NRXN1: variants seen among roughly 807,000 people sequenced by gnomAD.
The protein encoded by NRXN1 is neurexin-1.
NRXN1 carries 39 observed loss-of-function variants against 150.9 expected under a neutral mutation model. That is an observed-to-expected ratio of 0.26 (90% CI 0.20 to 0.34). The LOEUF is 0.34. Among genes scored for constraint, NRXN1 ranks in the 10% least tolerant of loss-of-function variants. The probability of loss-of-function intolerance (pLI) is 1.00; values close to 1 mark genes in which losing one functional copy is unlikely to be tolerated. For synonymous variants in NRXN1, 924 were observed against 757.0 expected, an observed-to-expected ratio of 1.22 and a Z score of -3.62; for missense variants, 1,815 against 1,949.9, an observed-to-expected ratio of 0.93 and a Z score of 1.30.
chr2:50,486,123 G>A (rs984189443), intron 15 of NRXN1, among the ~76,000 whole-genome samples: 4 of 152,206 alleles, frequency 2.6e-5, no homozygotes, highest in South Asian at 4.2e-4. Context: ...TAAAGTGATC[G>A]GTTGCGGTAA....
chr2:50,705,243 C>T (rs866539973), intron 5 of NRXN1, among the ~76,000 whole-genome samples: 14 of 151,976 alleles, frequency 9.2e-5, no homozygotes, highest in Non-Finnish European at 1.3e-4. Context: ...AATCATAATA[C>T]GAATGGGCTT....
chr2:50,664,906 T>C (rs902606636), intron 5 of NRXN1, among the ~76,000 whole-genome samples: 1 of 152,014 alleles, frequency 6.6e-6, no homozygotes, highest in East Asian at 1.9e-4. Context: ...CATAGAGATA[T>C]TTATCCTTCA....
intron 16 of NRXN1, among the ~76,000 whole-genome samples, chr2:50,466,943 A>G (rs1007602708): frequency 6.6e-6 from 1 of 151,732 alleles, no homozygotes; most frequent in African/African-American, 2.4e-5. Context: ...TTCTGTTGCA[A>G]TTAAGGCTTC....
intron 17 of NRXN1, among the ~76,000 whole-genome samples, chr2:50,244,145 T>A (rs569408621): frequency 6.6e-6 from 1 of 152,076 alleles, no homozygotes; most frequent in Non-Finnish European, 1.5e-5. Flanking sequence ...AAATACATTT[T>A]ATCACATTTT....
intron 17 of NRXN1, among the ~76,000 whole-genome samples, chr2:50,323,823 C>T (rs917445043): frequency 1.3e-5 from 2 of 152,018 alleles, no homozygotes; most frequent in Non-Finnish European, 2.9e-5. Context: ...ACATAGGAAA[C>T]GACAAGTTGA....
intron 19 of NRXN1, among the ~76,000 whole-genome samples, chr2:50,063,315 T>C (rs1694843673): frequency 6.6e-6 from 1 of 152,202 alleles, no homozygotes; most frequent in African/African-American, 2.4e-5. Flanking sequence ...TTGTCTTATA[T>C]ATTACTTTAT....
intron 17 of NRXN1, among the ~76,000 whole-genome samples, chr2:50,373,862 T>C (rs1035297707): frequency 2.6e-4 from 39 of 152,098 alleles, no homozygotes; most frequent in Non-Finnish European, 1.5e-5. Flanking sequence ...TGATTATTAT[T>C]TGCTTTTGAG....
At chr2:50,903,822 C>T (rs1683285668) in intron 5 of NRXN1, among the ~76,000 whole-genome samples, 1 of 152,152 alleles carries the variant, frequency 6.6e-6, no homozygotes, top group African/African-American at 2.4e-5. Context: ...GTGATTTACT[C>T]ATTTGAAATA....
intron 18 of NRXN1, among the ~76,000 whole-genome samples, chr2:50,181,157 A>T (rs2060685890): frequency 6.6e-6 from 1 of 152,118 alleles, no homozygotes; most frequent in Non-Finnish European, 1.5e-5. Flanking sequence ...CAGGTACATG[A>T]CATAAGTGCA....
chr2:50,380,050 A>T (rs946132383), intron 17 of NRXN1, among the ~76,000 whole-genome samples: 1 of 152,168 alleles, frequency 6.6e-6, no homozygotes, highest in Admixed American at 6.6e-5. Context: ...TCTTTATTTA[A>T]CATGAAGTAT....
intron 5 of NRXN1, among the ~76,000 whole-genome samples, chr2:50,718,961 A>G (rs185611915): frequency 4.0e-5 from 6 of 150,840 alleles, no homozygotes; most frequent in African/African-American, 1.5e-4. Flanking sequence ...GTTAGTTTGC[A>G]TATATAAAAC....
At chr2:50,829,089 C>A (rs1470824375) in intron 5 of NRXN1, among the ~76,000 whole-genome samples, 1 of 151,800 alleles carries the variant, frequency 6.6e-6, no homozygotes, top group Non-Finnish European at 1.5e-5. Context: ...ACCAGTCAGG[C>A]GTGGTGGCAC....
chr2:50,926,771 C>G (rs1181947885), intron 2 of NRXN1, among the ~76,000 whole-genome samples: 1 of 151,734 alleles, frequency 6.6e-6, no homozygotes, highest in Non-Finnish European at 1.5e-5. Flanking sequence ...TTCTATATAT[C>G]TATAAAATAC....
At chr2:50,263,189 CACACAT>C (rs907025632) in intron 17 of NRXN1, among the ~76,000 whole-genome samples, 9 of 130,306 alleles carry the variant, frequency 6.9e-5, no homozygotes, top group African/African-American at 2.6e-4. Flanking sequence ...CACACACACA[CACACAT>C]ACACAAACAG....
chr2:50,262,150 T>C (rs1004808455), intron 17 of NRXN1, among the ~76,000 whole-genome samples: 2 of 151,940 alleles, frequency 1.3e-5, no homozygotes, highest in Non-Finnish European at 2.9e-5. Flanking sequence ...TCATTCTTAT[T>C]TGACTTTCAA....
intron 17 of NRXN1, chr2:50,464,122 C>T (rs887349804): frequency 6.6e-6 from 1 of 151,430 alleles, no homozygotes; most frequent in Admixed American, 6.6e-5. Flanking sequence ...CTCAAAATGG[C>T]GTTATTGTGT....
chr2:50,582,007 C>T (rs934073954), intron 8 of NRXN1, among the ~76,000 whole-genome samples: 1 of 152,082 alleles, frequency 6.6e-6, no homozygotes, highest in South Asian at 2.1e-4. Flanking sequence ...GAGAATATGG[C>T]TTTTCTGACA....
At chr2:50,537,733 G>C (rs1247368847) in intron 10 of NRXN1, among the ~76,000 whole-genome samples, 1 of 152,176 alleles carries the variant, frequency 6.6e-6, no homozygotes, top group Non-Finnish European at 1.5e-5. Context: ...ATGATTGAAA[G>C]TCAGCTTACT....
At chr2:50,684,867 G>A (rs540589012) in intron 5 of NRXN1, among the ~76,000 whole-genome samples, 1 of 152,112 alleles carries the variant, frequency 6.6e-6, no homozygotes, top group Admixed American at 6.5e-5. Flanking sequence ...AAGTTTCTTT[G>A]CTTACATATT....
Sources: gnomAD v4.1 joint callset for allele counts (sites outside exome capture counted in the v4.1 genomes callset) on GRCh38, gnomAD v4.1.1 for gene constraint, MANE v1.5 for transcripts, NCBI Gene and HGNC (gene_info 2026-07-23, HGNC 2026-07-21) for gene names.